The following CALU variants were observed in gnomAD, a reference collection of about 807,000 sequenced individuals.
The protein encoded by CALU is IEF SSP 9302.
In CALU, 13 loss-of-function variants were observed where a neutral mutation model predicts 37.5. That is an observed-to-expected ratio of 0.35 (90% CI 0.23 to 0.55). CALU has a LOEUF of 0.55. CALU is among the 20% of genes least tolerant of loss of function. CALU has a pLI of 0.89. For missense variants in CALU, 282 were observed against 391.7 expected (o/e 0.72, Z 2.36); for synonymous variants, 114 against 133.8 (o/e 0.85, Z 1.02).
chr7:128,759,909 A>G (rs1801037587), intron 5 of CALU, 57 bp downstream of exon 5: 8 of 935,114 alleles, frequency 8.6e-6, no homozygotes, highest in Non-Finnish European at 1.2e-5. Context: ...TGAAAGGTGT[A>G]TTTGCTGGCT....
chr7:128,759,121 C>T (rs1801001965), intron 4 of CALU, 84 bp downstream of exon 4: 9 of 975,042 alleles, frequency 9.2e-6, no homozygotes, highest in Admixed American at 4.5e-5. Flanking sequence ...CCTTATATAG[C>T]ATATCTTATA....
At chr7:128,745,563 C>A (rs889551996) in intron 1 of CALU, among the ~76,000 whole-genome samples, 3 of 152,100 alleles carry the variant, frequency 2.0e-5, no homozygotes, top group Non-Finnish European at 2.9e-5. Context: ...TATCATCACA[C>A]CACTATATCT....
At position 128,748,714 on chromosome 7, in the gene CALU, G is replaced by A; in HGVS notation, c.131G>A (p.Ser44Asn). Residue 44 changes from serine to asparagine, a missense_variant, in exon 2 of 7, where the codon AGT becomes AAT. Coordinates refer to ENST00000249364, the MANE Select transcript of CALU (RefSeq NM_001219.5). ...GACAAGGTTCACAATGATGCTCAGA[G>A]TTTTGATTATGACCATGATGCCTTC... ...LSDKVHNDAQ[S>N]FDYDHDAFLG... 6.2e-7 allele frequency: 1 copy of A among 1,614,180 alleles called. No homozygotes were observed. Among genetic ancestry groups the A allele is most frequent in the Non-Finnish European group, 8.5e-7 (1 of 1,180,002 alleles).
rs779623213 is a variant in CALU, at chr7:128,772,837, T to A, written c.*3670T>A. 6.6e-6 allele frequency among the ~76,000 whole-genome samples: 1 copy of A among 152,208 alleles called. No homozygotes were observed. The highest frequency in any genetic ancestry group is 1.5e-5 in the Non-Finnish European group (1 of 68,038). On this transcript the variant is annotated 3_prime_UTR_variant, in exon 7 of 7. Transcript: ENST00000249364. ...TATCTAGATTCCAGTCTAGAACTAC[T>A]CCTGGGTCTACGGTAATCCTAAACT...
intron 6 of CALU, among the ~76,000 whole-genome samples, chr7:128,767,980 T>G (rs1801399735): frequency 6.6e-6 from 1 of 152,174 alleles, no homozygotes. Flanking sequence ...ACTTCATTTG[T>G]TCCTTTACCT....
intron 2 of CALU, 96 bp from the exon 3 acceptor site, chr7:128,754,166 T>C: frequency 2.1e-6 from 2 of 955,178 alleles, no homozygotes; most frequent in Non-Finnish European, 3.1e-6. Context: ...GAGACAATTT[T>C]TTATTTCTGT....
intron 5 of CALU, among the ~76,000 whole-genome samples, chr7:128,762,568 T>C (rs1288481596): frequency 6.6e-6 from 1 of 150,548 alleles, no homozygotes; most frequent in Non-Finnish European, 1.5e-5. Flanking sequence ...TGTGGAAACA[T>C]AGGGAAAGAA....
At chr7:128,739,722 T>G (rs1419369994) in intron 1 of CALU, among the ~76,000 whole-genome samples, 2 of 152,092 alleles carry the variant, frequency 1.3e-5, no homozygotes, top group Non-Finnish European at 2.9e-5. Context: ...GTCCTGGTCC[T>G]CCATCTCTAG....
intron 2 of CALU, among the ~76,000 whole-genome samples, chr7:128,749,374 C>T (rs1800570125): frequency 1.3e-5 from 2 of 152,096 alleles, no homozygotes; most frequent in African/African-American, 4.8e-5. Flanking sequence ...AACAGCAGGG[C>T]CATAGTCAGG....
intron 2 of CALU, among the ~76,000 whole-genome samples, chr7:128,752,340 C>A (rs1051187051): frequency 2.0e-5 from 3 of 152,138 alleles, no homozygotes; most frequent in Non-Finnish European, 4.4e-5. Context: ...ATAGAATGCT[C>A]TTCAGTCAAC....
chr7:128,746,966 T>C (rs558588100), intron 1 of CALU, among the ~76,000 whole-genome samples: 2 of 151,782 alleles, frequency 1.3e-5, no homozygotes, highest in Non-Finnish European at 2.9e-5. Context: ...GACGGGGTTT[T>C]ACCGTGTTAG....
chr7:128,767,432 T>C, intron 5 of CALU, 24 bp from the exon 6 acceptor site: 3 of 1,572,780 alleles, frequency 1.9e-6, no homozygotes, highest in Non-Finnish European at 2.6e-6. Context: ...AACCCTTCTT[T>C]TGTATGTATG....
intron 5 of CALU, among the ~76,000 whole-genome samples, chr7:128,760,417 CAG>C (rs914777484): frequency 2.6e-5 from 4 of 152,016 alleles, no homozygotes; most frequent in African/African-American, 7.2e-5. Context: ...TAAAAAGAAA[CAG>C]ATGAAATTTC....
At chr7:128,756,556 G>A (rs959559973) in intron 3 of CALU, among the ~76,000 whole-genome samples, 4 of 152,128 alleles carry the variant, frequency 2.6e-5, no homozygotes, top group Admixed American at 2.6e-4. Flanking sequence ...AATCATCATA[G>A]CTCTTAGTTA....
intron 5 of CALU, among the ~76,000 whole-genome samples, chr7:128,766,682 TC>T (rs1051005020): frequency 2.0e-5 from 3 of 151,964 alleles, no homozygotes; most frequent in African/African-American, 7.2e-5. Context: ...GGTCTCAAAC[TC>T]CGACCTCAGG....
Position 128,767,471 on chromosome 7 carries a change from A to T in CALU, c.659A>T (p.His220Leu), listed in dbSNP as rs1480465283. The T allele has an allele frequency of 1.9e-6, 3 of 1,613,660 alleles. No homozygotes were observed. Among genetic ancestry groups the T allele is most frequent in the Non-Finnish European group, 8.5e-7 (1 of 1,179,502 alleles). ...LEEYIGDMYSHDGNTDEPEWV... is the reference protein window; with the variant it reads ...LEEYIGDMYSLDGNTDEPEWV... ...GTGTACCCAGGTGACATGTACAGCC[A>T]TGATGGGAATACTGATGAGCCAGAA... Residue 220 changes from histidine (H) to leucine (L), a missense_variant, in exon 6 of 7, where the codon CAT becomes CTT. Transcript: ENST00000249364.
rs1262599483 is a variant in CALU at position 128,754,626 on chromosome 7, G to A, written c.415+171G>A. On this transcript the variant is annotated intron_variant, in intron 3 of 6. Coordinates refer to ENST00000249364, the MANE Select transcript of CALU (RefSeq NM_001219.5). The stretch of plus-strand genomic sequence containing the variant: ...GCACGCCCAGAAGAAATACATATAT[G>A]ACAATGTTGAAAACCAATGGCAGGA... 3 of 1,551,954 alleles carry A rather than the reference G, an allele frequency of 1.9e-6. No individual in the cohort carries two copies. The African/African-American group carries it at 4.1e-5, about 21-fold the overall frequency.
In CALU at chr7:128,769,089, C is replaced by T. The variant is rs1179203340; in HGVS notation, c.870C>T (p.Ile290=). The stretch of plus-strand genomic sequence containing the variant: ...ATGGCAAGCTTACCAAGGAGGAGAT[C>T]GTTGACAAGTATGACTTATTTGTTG... The part of the protein sequence containing the change: ...NKDGKLTKEE[I]VDKYDLFVGS... Residue 290 remains isoleucine (I), a synonymous_variant, in exon 7 of 7, where the codon ATC becomes ATT. Transcript: ENST00000249364. 1 of 1,611,802 alleles carries T rather than the reference C, an allele frequency of 6.2e-7. No individual in the cohort carries two copies.
chr7:128,768,863 A>AAAAAAAAAAC (rs1554368156), intron 6 of CALU, among the ~76,000 whole-genome samples, 200 bp from the exon 7 acceptor site: 3 of 147,936 alleles, frequency 2.0e-5, no homozygotes, highest in African/African-American at 7.9e-5. Flanking sequence ...AAAAAAAAAA[A>AAAAAAAAAAC]AAAAACAAGG....
Sources: gnomAD v4.1 joint callset for allele counts (sites outside exome capture counted in the v4.1 genomes callset) on GRCh38, gnomAD v4.1.1 for gene constraint, MANE v1.5 for transcripts, NCBI Gene and HGNC (gene_info 2026-07-23, HGNC 2026-07-21) for gene names.